The following AGBL4 variants were observed in gnomAD, a reference collection of about 807,000 sequenced individuals.
AGBL4 encodes the protein AGBL carboxypeptidase 4, also known as cytosolic carboxypeptidase 6.
Under a neutral mutation model 66.4 loss-of-function variants are expected in AGBL4, and 58 were observed. That is an observed-to-expected ratio of 0.87 (90% CI 0.71 to 1.09). AGBL4 has a LOEUF of 1.09. Ranked by LOEUF, AGBL4 falls within the 50% of genes least tolerant of loss-of-function variation. The pLI, the probability that AGBL4 is intolerant of heterozygous loss-of-function variation, is 0.00. For synonymous variants in AGBL4, 234 were observed against 222.9 expected (o/e 1.05, Z -0.44); for missense variants, 579 against 631.0 (o/e 0.92, Z 0.88).
At chr1:48,877,943 ATCTC>A (rs766503332) in intron 5 of AGBL4, among the ~76,000 whole-genome samples, 1 of 152,154 alleles carries the variant, frequency 6.6e-6, no homozygotes, top group Non-Finnish European at 1.5e-5. Context: ...AAATGACTTC[ATCTC>A]TCTCTCATTT....
chr1:49,971,560 A>T (rs1251125355), intron 1 of AGBL4, among the ~76,000 whole-genome samples: 2 of 152,156 alleles, frequency 1.3e-5, no homozygotes, highest in African/African-American at 4.8e-5. Flanking sequence ...GGTCACTAAG[A>T]ATTGCGGGAA....
intron 6 of AGBL4, among the ~76,000 whole-genome samples, chr1:48,664,030 CAAG>C (rs1646147519): frequency 6.6e-6 from 1 of 152,114 alleles, no homozygotes; most frequent in Admixed American, 6.5e-5. Context: ...AGAGCCAATG[CAAG>C]ATAATCAATG....
At position 48,668,423 on chromosome 1, in the gene AGBL4, C is replaced by A. The variant is rs548354668; in HGVS notation, c.635-5182G>T. On this transcript the variant is annotated intron_variant, in intron 6 of 13. Transcript: ENST00000371839. Reference sequence around the variant, plus strand: ...TTGTTTGCAGAGCAAGTCCAGCCCCCTTAGCCTAGACCATACCATCCCTGT... The same window carrying A: ...TTGTTTGCAGAGCAAGTCCAGCCCCATTAGCCTAGACCATACCATCCCTGT... 8.8e-4 allele frequency among the ~76,000 whole-genome samples: 87 copies of A among 99,282 alleles called. 1 individual carries two copies. Among genetic ancestry groups the A allele is most frequent in the Admixed American group, 2.1e-3 (22 of 10,366 alleles). 65.1% of individuals were successfully genotyped at this position (99,282 alleles called of 152,430 possible).
intron 3 of AGBL4, among the ~76,000 whole-genome samples, chr1:49,247,215 G>A (rs898208113): frequency 7.2e-5 from 11 of 151,930 alleles, no homozygotes; most frequent in African/African-American, 2.7e-4. Flanking sequence ...AAATTTAATG[G>A]TAATTATTCA....
At chr1:48,965,272 A>C (rs184508711) in intron 5 of AGBL4, among the ~76,000 whole-genome samples, 62 of 152,296 alleles carry the variant, frequency 4.1e-4, no homozygotes, top group African/African-American at 1.4e-3. Context: ...CTGGAGTTAG[A>C]GCAACTCCAT....
At chr1:49,657,297 C>A (rs1646161399) in intron 3 of AGBL4, among the ~76,000 whole-genome samples, 1 of 152,118 alleles carries the variant, frequency 6.6e-6, no homozygotes, top group Non-Finnish European at 1.5e-5. Context: ...ATCCAACTTA[C>A]AAGGGATGTG....
intron 5 of AGBL4, among the ~76,000 whole-genome samples, chr1:48,990,061 G>T (rs1660488360): frequency 6.6e-6 from 1 of 151,990 alleles, no homozygotes; most frequent in South Asian, 2.1e-4. Context: ...CTATCTTTTG[G>T]ATATAAGCCA....
chr1:48,684,764 C>T (rs1646505732), intron 6 of AGBL4, among the ~76,000 whole-genome samples: 1 of 152,014 alleles, frequency 6.6e-6, no homozygotes, highest in Non-Finnish European at 1.5e-5. Flanking sequence ...CTTTGAGATC[C>T]TTATCCATTA....
intron 6 of AGBL4, among the ~76,000 whole-genome samples, chr1:48,735,137 C>A (rs980676998): frequency 6.6e-6 from 1 of 152,152 alleles, no homozygotes; most frequent in Non-Finnish European, 1.5e-5. Context: ...TAAAAGAGAA[C>A]CATTTAACAA....
intron 1 of AGBL4, among the ~76,000 whole-genome samples, chr1:49,858,880 G>T (rs910748066): frequency 6.6e-6 from 1 of 152,150 alleles, no homozygotes; most frequent in Non-Finnish European, 1.5e-5. Context: ...GCATGGTGTG[G>T]TGGCAGGTGC....
At chr1:48,602,384 C>T (rs1044535106) in intron 9 of AGBL4, among the ~76,000 whole-genome samples, 4 of 152,186 alleles carry the variant, frequency 2.6e-5, no homozygotes, top group Admixed American at 6.5e-5. Flanking sequence ...CTTCCAAAAT[C>T]TCATCTTCCT....
intron 11 of AGBL4, among the ~76,000 whole-genome samples, chr1:48,575,215 A>G (rs540878329): frequency 6.6e-6 from 1 of 152,306 alleles, no homozygotes; most frequent in South Asian, 2.1e-4. Context: ...AATACCCAGT[A>G]TTCCACTAGG....
chr1:49,090,848 C>T (rs1644990754), intron 4 of AGBL4, among the ~76,000 whole-genome samples: 1 of 152,076 alleles, frequency 6.6e-6, no homozygotes, highest in Admixed American at 6.6e-5. Flanking sequence ...TATTACAAGG[C>T]CAAAGTAAGC....
intron 6 of AGBL4, among the ~76,000 whole-genome samples, chr1:48,848,004 C>G (rs545105722): frequency 6.6e-6 from 1 of 152,194 alleles, no homozygotes; most frequent in African/African-American, 2.4e-5. Flanking sequence ...CCACTTGTAG[C>G]TGCTTCCTGC....
intron 6 of AGBL4, among the ~76,000 whole-genome samples, chr1:48,788,679 C>A (rs923258526): frequency 6.6e-6 from 1 of 152,144 alleles, no homozygotes; most frequent in East Asian, 1.9e-4. Context: ...TTCTGTGATG[C>A]CCTGCCTTAT....
At chr1:49,249,115 C>T (rs1299594074) in intron 3 of AGBL4, among the ~76,000 whole-genome samples, 1 of 152,138 alleles carries the variant, frequency 6.6e-6, no homozygotes, top group Non-Finnish European at 1.5e-5. Context: ...GCGTGCAGTC[C>T]TAAAGAGTGG....
intron 5 of AGBL4, among the ~76,000 whole-genome samples, chr1:49,015,918 C>G (rs528032922): frequency 6.6e-6 from 1 of 152,142 alleles, no homozygotes; most frequent in Admixed American, 6.5e-5. Flanking sequence ...TCAACCAGAC[C>G]TAGGTTTTCA....
At chr1:49,514,158 T>C (rs1032593949) in intron 3 of AGBL4, among the ~76,000 whole-genome samples, 2 of 151,920 alleles carry the variant, frequency 1.3e-5, no homozygotes, top group African/African-American at 4.8e-5. Context: ...AATCATGTCA[T>C]CTGCAAACAG....
At chr1:49,170,432 A>C (rs1183339222) in intron 4 of AGBL4, among the ~76,000 whole-genome samples, 1 of 141,908 alleles carries the variant, frequency 7.0e-6, no homozygotes, top group Admixed American at 7.2e-5. Context: ...ATTTATATAT[A>C]AATAAATATA....
Sources: allele counts gnomAD v4.1 joint callset (sites outside exome capture counted in the v4.1 genomes callset), GRCh38; gene constraint gnomAD v4.1.1; transcripts MANE v1.5; gene names NCBI Gene and HGNC (gene_info 2026-07-23, HGNC 2026-07-21).